Variants in ZC3H3 observed in about 807,000 individuals in gnomAD.
The protein encoded by ZC3H3 is zinc finger CCCH domain-containing protein 3.
A neutral mutation model predicts 77.3 loss-of-function variants in ZC3H3; 36 were observed. The observed-to-expected ratio is 0.47, with a 90% CI of 0.36 to 0.61. The LOEUF is 0.61. ZC3H3 is among the 20% of genes least tolerant of loss of function. The probability of loss-of-function intolerance (pLI) is 0.00; values close to 1 mark genes in which losing one functional copy is unlikely to be tolerated. For synonymous variants in ZC3H3, 626 were observed against 555.2 expected (o/e 1.13, Z -1.79); for missense variants, 1,331 against 1,312.2 (o/e 1.01, Z -0.22).
chr8:143,500,366 C>T (rs117801294), intron 4 of ZC3H3, among the ~76,000 whole-genome samples: 19 of 152,350 alleles, frequency 1.2e-4, no homozygotes, highest in Non-Finnish European at 2.6e-4. Context: ...CACTGACACC[C>T]CTTTGGTGTC....
At chr8:143,541,314 G>A (rs563622196) in intron 1 of ZC3H3, 62 bp downstream of exon 1, 39 of 1,599,194 alleles carry the variant, frequency 2.4e-5, no homozygotes, top group Admixed American at 5.1e-5. Context: ...AGGGGGCAGG[G>A]GACCCGCCGC....
At chr8:143,463,742 G>A (rs1016580691) in intron 9 of ZC3H3, among the ~76,000 whole-genome samples, 2 of 152,170 alleles carry the variant, frequency 1.3e-5, no homozygotes, top group Non-Finnish European at 2.9e-5. Context: ...AGGACTCTGC[G>A]TCTCCGGGTC....
chr8:143,449,276 T>C (rs1819930800), intron 9 of ZC3H3, among the ~76,000 whole-genome samples: 1 of 152,242 alleles, frequency 6.6e-6, no homozygotes, highest in South Asian at 2.1e-4. Flanking sequence ...GGGCTTTTCT[T>C]TTCTACTACA....
intron 4 of ZC3H3, 57 bp downstream of exon 4, chr8:143,507,689 G>A: frequency 2.1e-6 from 3 of 1,459,720 alleles, no homozygotes; most frequent in Non-Finnish European, 2.7e-6. Flanking sequence ...AGCCCTCAGG[G>A]CAGGGCCAGA....
chr8:143,497,629 A>G (rs440406), intron 4 of ZC3H3, among the ~76,000 whole-genome samples: 4,246 of 152,226 alleles, frequency 0.028, 179 homozygotes, highest in African/African-American at 0.096. Context: ...GCACAGACGC[A>G]ATGCTGCGGT....
chr8:143,526,553 T>C (rs1051917205), intron 3 of ZC3H3, among the ~76,000 whole-genome samples: 24 of 152,146 alleles, frequency 1.6e-4, no homozygotes, highest in Admixed American at 6.5e-5. Flanking sequence ...CAAGTCCACA[T>C]GGACTCTGAC....
chr8:143,485,763 G>C (rs912690071), intron 4 of ZC3H3, among the ~76,000 whole-genome samples: 24 of 152,368 alleles, frequency 1.6e-4, no homozygotes, highest in African/African-American at 5.8e-4. Flanking sequence ...CCACAAATCA[G>C]CCAAAAGGCA....
chr8:143,495,111 C>T (rs1195041382), intron 4 of ZC3H3, among the ~76,000 whole-genome samples: 1 of 152,212 alleles, frequency 6.6e-6, no homozygotes, highest in Non-Finnish European at 1.5e-5. Flanking sequence ...AACACAGGTG[C>T]ACAGAAAGAG....
rs569088252 is a variant in ZC3H3 at position 143,450,730 on chromosome 8, A to T, written c.2308-9610T>A. Among the ~76,000 whole-genome samples, 790 of 152,262 alleles carry T rather than the reference A, an allele frequency of 5.2e-3. 6 individuals are homozygous for T. The highest frequency in any genetic ancestry group is 0.018 in the Admixed American group (279 of 15,282). On this transcript the variant is annotated intron_variant, in intron 9 of 11. Coordinates refer to ENST00000262577, the MANE Select transcript of ZC3H3 (RefSeq NM_015117.3). ...GATCTTGTGAACATTCCATCACAAG[A>T]ATAGCACTGGAGGATGGTGCTAAAC...
At chr8:143,501,546 T>A (rs1043702498) in intron 4 of ZC3H3, among the ~76,000 whole-genome samples, 1 of 150,962 alleles carries the variant, frequency 6.6e-6, no homozygotes, top group African/African-American at 2.4e-5. Flanking sequence ...CAAGTTCCTC[T>A]GATCACGGGT....
chr8:143,500,879 T>C (rs1361669450), intron 4 of ZC3H3, among the ~76,000 whole-genome samples: 1 of 150,206 alleles, frequency 6.7e-6, no homozygotes, highest in Non-Finnish European at 1.5e-5. Context: ...AGTGGCGCCA[T>C]CTTCGCTCAC....
chr8:143,518,471 G>A (rs533066335), intron 3 of ZC3H3, among the ~76,000 whole-genome samples: 16 of 152,382 alleles, frequency 1.0e-4, no homozygotes, highest in African/African-American at 3.8e-4. Flanking sequence ...TCCACAGAAA[G>A]CAGCGGCCCC....
chr8:143,459,646 G>C (rs1439019120), intron 9 of ZC3H3, among the ~76,000 whole-genome samples: 1 of 152,148 alleles, frequency 6.6e-6, no homozygotes, highest in African/African-American at 2.4e-5. Context: ...GATTGTGACT[G>C]ACTGTGATTC....
intron 4 of ZC3H3, among the ~76,000 whole-genome samples, chr8:143,495,546 C>T (rs187068859): frequency 8.2e-4 from 125 of 152,244 alleles, no homozygotes; most frequent in Non-Finnish European, 1.5e-3. Context: ...TTCTTTATCT[C>T]GACGAGGTAT....
At position 143,538,660 on chromosome 8, in the gene ZC3H3, G is replaced by A; in HGVS notation, c.707C>T (p.Pro236Leu). 6.2e-7 allele frequency: 1 copy of A among 1,608,458 alleles called. No homozygotes were observed. The highest frequency in any genetic ancestry group is 1.1e-5 in the South Asian group (1 of 91,076). The change falls in exon 2 of 12, where the codon CCC becomes CTC. Residue 236 changes from proline (P) to leucine (L), a missense_variant. By Grantham distance (98) the Pro-to-Leu change is moderately conservative. This residue lies in a region of ZC3H3 where 978 missense variants were observed against 915.5 expected (regional missense o/e 1.07). Transcript: ENST00000262577. ...GCCCAGGGCCACGCCAGTGCGTGGG[G>A]GCAGAGCGGAGGATGGGAAGCTCGC... is the stretch of plus-strand genomic sequence containing the variant. ...VKASFPSSAL[P>L]PRTGVALGRK... is the part of the protein sequence containing the mutation.
At chr8:143,475,815 C>A (rs1398150640) in intron 4 of ZC3H3, among the ~76,000 whole-genome samples, 1 of 152,146 alleles carries the variant, frequency 6.6e-6, no homozygotes, top group Non-Finnish European at 1.5e-5. Context: ...TGGCCGTCAT[C>A]AGGGAACACT....
chr8:143,468,727 C>G, intron 5 of ZC3H3, 68 bp from the exon 6 acceptor site: 1 of 1,506,818 alleles, frequency 6.6e-7, no homozygotes, highest in Non-Finnish European at 8.9e-7. Context: ...CCCTGCTGAC[C>G]CCCTTAGTCG....
At position 143,441,009 on chromosome 8, in the gene ZC3H3, C is replaced by A; in HGVS notation, c.2419G>T (p.Ala807Ser). 1 of 1,472,898 alleles carries A rather than the reference C, an allele frequency of 6.8e-7. No individual in the cohort carries two copies. The highest frequency in any genetic ancestry group is 8.9e-7 in the Non-Finnish European group (1 of 1,119,424). 91.2% of individuals were successfully genotyped at this position (1,472,898 alleles called of 1,614,324 possible). The part of the protein sequence containing the change: ...HRTQKRHSRR[A>S]ATSPAPGPSD... Reference sequence around the variant, plus strand: ...GGCCCTGGGGCGGGGGACGTGGCTGCCCGCCGACTGTGGCGTTTCTGGGTA... The same window carrying A: ...GGCCCTGGGGCGGGGGACGTGGCTGACCGCCGACTGTGGCGTTTCTGGGTA... The change falls in exon 10 of 12, where the codon GCA (alanine) becomes TCA (serine). Residue 807 changes from alanine (A) to serine (S), a missense_variant. By Grantham distance (99) the Ala-to-Ser change is moderately conservative (BLOSUM62 1). Transcript: ENST00000262577.
intron 2 of ZC3H3, among the ~76,000 whole-genome samples, chr8:143,536,982 G>A (rs550318161): frequency 2.6e-5 from 4 of 151,780 alleles, no homozygotes; most frequent in Non-Finnish European, 2.9e-5. Context: ...GTGCCCATGC[G>A]CCTCAACACG....
Sources: allele counts gnomAD v4.1 joint callset (sites outside exome capture counted in the v4.1 genomes callset), GRCh38; gene constraint gnomAD v4.1.1; regional missense constraint gnomAD v4.1.1; transcripts MANE v1.5; gene names NCBI Gene and HGNC (gene_info 2026-07-23, HGNC 2026-07-21).